Variants in ARHGEF18 observed in about 807,000 individuals in gnomAD.
The protein encoded by ARHGEF18 is rho guanine nucleotide exchange factor 18.
In ARHGEF18, 93 loss-of-function variants were observed where a neutral mutation model predicts 155.7. The ratio of observed to expected loss-of-function variants is 0.60; its 90% CI spans 0.50 to 0.71. The LOEUF (loss-of-function observed/expected upper bound fraction) is 0.71, where lower values mean the gene tolerates loss of function less well. Ranked by LOEUF, ARHGEF18 falls within the 30% of genes least tolerant of loss-of-function variation. ARHGEF18 has a pLI of 0.00. For missense variants in ARHGEF18, 1,593 were observed against 1,816.1 expected, an observed-to-expected ratio of 0.88 and a Z score of 2.23; for synonymous variants, 742 against 753.1, an observed-to-expected ratio of 0.99 and a Z score of 0.24.
intron 10 of ARHGEF18, among the ~76,000 whole-genome samples, chr19:7,398,868 C>T (rs1216608258): frequency 6.6e-6 from 1 of 152,192 alleles, no homozygotes; most frequent in Non-Finnish European, 1.5e-5. Flanking sequence ...ATTACGGCTT[C>T]AAGGCCATTG....
chr19:7,407,108 G>A (rs1445003044), intron 10 of ARHGEF18, among the ~76,000 whole-genome samples: 2 of 150,674 alleles, frequency 1.3e-5, no homozygotes, highest in Admixed American at 1.3e-4. Context: ...TACTCAGGAT[G>A]GTAGGGAACT....
At chr19:7,434,613 C>T (rs1379184381) in intron 10 of ARHGEF18, among the ~76,000 whole-genome samples, 2 of 152,126 alleles carry the variant, frequency 1.3e-5, no homozygotes, top group Admixed American at 6.6e-5. Flanking sequence ...AAGCTGAACC[C>T]CAAGCACCAT....
intron 10 of ARHGEF18, among the ~76,000 whole-genome samples, chr19:7,399,350 A>T (rs1180209462): frequency 6.6e-6 from 1 of 152,172 alleles, no homozygotes; most frequent in Non-Finnish European, 1.5e-5. Context: ...ATTAAGTTGT[A>T]TGTGAACTAA....
At chr19:7,421,351 A>C (rs1973339220) in intron 10 of ARHGEF18, among the ~76,000 whole-genome samples, 1 of 152,116 alleles carries the variant, frequency 6.6e-6, no homozygotes, top group Non-Finnish European at 1.5e-5. Flanking sequence ...GACCAAAAAT[A>C]CAGTGTTCTC....
At chr19:7,403,549 C>CTTTT (rs200331404) in intron 10 of ARHGEF18, among the ~76,000 whole-genome samples, 5 of 130,152 alleles carry the variant, frequency 3.8e-5, no homozygotes, top group South Asian at 4.3e-4. Context: ...TTCTTTCTTT[C>CTTTT]TTTCTTTTTT....
At position 7,468,943 on chromosome 19, in the gene ARHGEF18, G is replaced by A. The variant is rs200698423; in HGVS notation, c.3599G>A (p.Arg1200Gln). 9.0e-5 allele frequency: 142 copies of A among 1,576,350 alleles called. No homozygotes were observed. Among genetic ancestry groups the A allele is most frequent in the Non-Finnish European group, 8.3e-5 (96 of 1,162,924 alleles). ...GCAGAGCGCCCCGAGGTGGCTCGCC[G>A]GGACAGCGCCCCCACCGAGAACCGG... ...EYAERPEVAR[R>Q]DSAPTENRLA... The change falls in exon 27 of 29, where the codon CGG becomes CAG. Residue 1200 changes from arginine (R) to glutamine (Q), a missense_variant. Physicochemically the swap from Arg to Gln is conservative, Grantham distance 43 (BLOSUM62 1). Coordinates refer to ENST00000668164, the MANE Select transcript of ARHGEF18 (RefSeq NM_001367823.1).
intron 23 of ARHGEF18, 23 bp from the exon 24 acceptor site, chr19:7,466,895 G>T: frequency 6.2e-7 from 1 of 1,612,554 alleles, no homozygotes; most frequent in African/African-American, 1.3e-5. Context: ...ACTCTCTCTG[G>T]TTTGACGGTG....
chr19:7,380,360 TC>T (rs1404399413), intron 7 of ARHGEF18, among the ~76,000 whole-genome samples: 7 of 151,532 alleles, frequency 4.6e-5, no homozygotes, highest in African/African-American at 1.2e-4. Context: ...GCGCCTGTAG[TC>T]CCAGCTACTC....
chr19:7,349,919 G>A (rs1969116613), intron 1 of ARHGEF18, among the ~76,000 whole-genome samples: 1 of 152,014 alleles, frequency 6.6e-6, no homozygotes, highest in South Asian at 2.1e-4. Context: ...TGCAGATTCT[G>A]AATCCACTGT....
chr19:7,415,668 CCTGAAGCGCGTATT>C (rs906067389), intron 10 of ARHGEF18, among the ~76,000 whole-genome samples: 1 of 151,942 alleles, frequency 6.6e-6, no homozygotes, highest in Non-Finnish European at 1.5e-5. Flanking sequence ...TCCCTCCCTC[CCTGAAGCGCGTATT>C]TGTTAAGCAC....
rs1479809786 is a variant in ARHGEF18 at position 7,440,153 on chromosome 19, C to T, written c.968-191C>T. 2 of 1,551,400 alleles carry T rather than the reference C, an allele frequency of 1.3e-6. No individual in the cohort carries two copies. The highest frequency in any genetic ancestry group is 2.4e-5 in the South Asian group (2 of 84,066). ...GGGACAGGCACAGCGCGCTCCCCGG[C>T]CGCCCCGAGCTGTCTTTTTACGGCT... On this transcript the variant is annotated intron_variant, in intron 10 of 28. Transcript: ENST00000668164. The surrounding 1 kb of genome is among the most constrained non-coding windows in gnomAD (Gnocchi z 5.4).
chr19:7,367,805 T>TATATATTTTATATATATATACAC, intron 2 of ARHGEF18, among the ~76,000 whole-genome samples: 1 of 101,516 alleles, frequency 9.9e-6, no homozygotes, highest in Non-Finnish European at 2.0e-5. Context: ...TATATACACA[T>TATATATTTTATATATATATACAC]ATATATATTT....
chr19:7,369,442 C>A (rs1161062592), intron 2 of ARHGEF18, among the ~76,000 whole-genome samples: 2 of 144,904 alleles, frequency 1.4e-5, no homozygotes, highest in African/African-American at 5.1e-5. Flanking sequence ...GCCTAGGCAA[C>A]AAGAGTGAAA....
chr19:7,370,951 C>T (rs1250012613), intron 2 of ARHGEF18, among the ~76,000 whole-genome samples: 3 of 151,184 alleles, frequency 2.0e-5, no homozygotes, highest in Non-Finnish European at 4.4e-5. Context: ...TGCTTTGTCA[C>T]CCAGGCTGGA....
chr19:7,453,457 T>C lies in ARHGEF18; in HGVS notation c.1856-10T>C. ...GAAAAGAAAGACGCTAACTCTGCTA[T>C]GTGTGGCAGCTGGCACTGAGGACTA... On this transcript the variant is annotated splice_polypyrimidine_tract_variant and intron_variant, in intron 16 of 28. Coordinates refer to ENST00000668164, the MANE Select transcript of ARHGEF18 (RefSeq NM_001367823.1). 1.3e-6 allele frequency: 2 copies of C among 1,582,732 alleles called. No individual in the cohort carries two copies. Among genetic ancestry groups the C allele is most frequent in the Non-Finnish European group, 1.7e-6 (2 of 1,161,182 alleles).
intron 1 of ARHGEF18, among the ~76,000 whole-genome samples, chr19:7,354,003 C>G (rs1289219982): frequency 2.0e-5 from 3 of 151,486 alleles, no homozygotes; most frequent in African/African-American, 7.3e-5. Context: ...AATAGATATC[C>G]CTGTTGTATT....
chr19:7,457,442 A>C (rs1197870219), intron 18 of ARHGEF18, among the ~76,000 whole-genome samples: 1 of 140,148 alleles, frequency 7.1e-6, no homozygotes, highest in African/African-American at 2.8e-5. Context: ...GACTCACTGC[A>C]ACCTCCACCT....
rs974046168 is a variant in ARHGEF18 at position 7,447,126 on chromosome 19, G to A, written c.1695G>A (p.Lys565=). ...SGHNEAVSHY[K]LLLQQNKKFQ... ...ACAATGAAGCTGTTAGTCATTACAA[G>A]TTGCTGCTTCAGCAAAACAAGAAAT... The change falls in exon 15 of 29, where the codon AAG becomes AAA. Residue 565 remains lysine, a synonymous_variant. Transcript: ENST00000668164. 6.2e-7 allele frequency: 1 copy of A among 1,613,498 alleles called. No homozygotes were observed. The highest frequency in any genetic ancestry group is 8.5e-7 in the Non-Finnish European group (1 of 1,179,824).
intron 10 of ARHGEF18, among the ~76,000 whole-genome samples, chr19:7,412,696 C>G (rs372490696): frequency 6.7e-6 from 1 of 149,470 alleles, no homozygotes; most frequent in South Asian, 2.1e-4. Context: ...GAACTGAGAT[C>G]GAGCCACTGC....
Sources: allele counts gnomAD v4.1 joint callset (sites outside exome capture counted in the v4.1 genomes callset), GRCh38; gene constraint gnomAD v4.1.1; non-coding constraint Gnocchi (gnomAD v3.1); transcripts MANE v1.5; gene names NCBI Gene and HGNC (gene_info 2026-07-23, HGNC 2026-07-21).